Variants in NCAM1 observed in about 807,000 individuals in gnomAD.
NCAM1 encodes antigen recognized by monoclonal antibody 5.1H11.
Under a neutral mutation model 109.8 loss-of-function variants are expected in NCAM1, and 14 were observed. The ratio of observed to expected loss-of-function variants is 0.13; its 90% CI spans 0.08 to 0.20. NCAM1 has a LOEUF of 0.20. NCAM1 is among the 10% of genes least tolerant of loss of function. The pLI is 1.00. For missense variants in NCAM1, 774 were observed against 1,109.9 expected (o/e 0.70, Z 4.30); for synonymous variants, 418 against 442.9 (o/e 0.94, Z 0.70).
intron 1 of NCAM1, among the ~76,000 whole-genome samples, chr11:113,116,968 G>A (rs1210448372): frequency 6.6e-6 from 1 of 151,792 alleles, no homozygotes; most frequent in East Asian, 1.9e-4. Flanking sequence ...GAGCTCAAGT[G>A]GGCACTCCCA....
At position 113,232,844 on chromosome 11, in the gene NCAM1, C is replaced by T. The variant is rs183233093; in HGVS notation, c.1522+30C>T. ...GTGTCCCTTACTCACCTGAGAGCAG[C>T]TGCCACAACCCCCCACCTAACCCTG... On this transcript the variant is annotated intron_variant, in intron 12 of 19. Coordinates refer to ENST00000316851, the MANE Select transcript of NCAM1 (RefSeq NM_181351.5). The T allele has an allele frequency of 1.2e-5, 19 of 1,562,728 alleles. No individual in the cohort carries two copies. In the Admixed American group the frequency reaches 2.7e-4, roughly 22 times the overall value.
At position 113,278,148 on chromosome 11, in the gene NCAM1, G is replaced by T. The variant is rs973328474; in HGVS notation, c.*2761G>T. The T allele has an allele frequency of 6.6e-6, 1 of 152,166 alleles. No homozygotes were observed. Among genetic ancestry groups the T allele is most frequent in the African/African-American group, 2.4e-5 (1 of 41,434 alleles). The allele number at this position is 152,166 out of a possible 1,614,324, so 9.4% of individuals were successfully genotyped here. On this transcript the variant is annotated 3_prime_UTR_variant, in exon 20 of 20. Coordinates refer to ENST00000316851, the MANE Select transcript of NCAM1 (RefSeq NM_181351.5). Reference sequence around the variant, plus strand: ...GCTGTGGTGTATATAGTGCAGCTTTGGAGGTGGAACTCTATTTTCACACTT... The same window carrying T: ...GCTGTGGTGTATATAGTGCAGCTTTTGAGGTGGAACTCTATTTTCACACTT...
intron 1 of NCAM1, among the ~76,000 whole-genome samples, chr11:113,028,860 T>C (rs1952635274): frequency 6.6e-6 from 1 of 152,208 alleles, no homozygotes; most frequent in Non-Finnish European, 1.5e-5. Flanking sequence ...GCAGCATGTC[T>C]AGTTTTTTTA....
In NCAM1 at chr11:113,232,285, C is replaced by T; in HGVS notation, c.1356C>T (p.Gly452=). 1 of 1,613,826 alleles carries T rather than the reference C, an allele frequency of 6.2e-7. No homozygotes were observed. The highest frequency in any genetic ancestry group is 1.1e-5 in the South Asian group (1 of 91,064). The change falls in exon 11 of 20, where the codon GGC becomes GGT. Residue 452 remains glycine (G), a synonymous_variant. Coordinates refer to ENST00000316851, the MANE Select transcript of NCAM1 (RefSeq NM_181351.5). ...PSATISWFRD[G]QLLPSSNYSN... Reference sequence around the variant, plus strand: ...CCACGATCTCATGGTTTCGGGATGGCCAGCTGCTGCCAAGCTCCAATTACA... The same window carrying T: ...CCACGATCTCATGGTTTCGGGATGGTCAGCTGCTGCCAAGCTCCAATTACA...
intron 1 of NCAM1, among the ~76,000 whole-genome samples, chr11:113,059,771 C>T (rs1297181280): frequency 6.6e-6 from 1 of 152,212 alleles, no homozygotes; most frequent in Non-Finnish European, 1.5e-5. Context: ...GAGATTGGGA[C>T]ATTGTGGCCA....
chr11:113,104,218 G>GGGGGGGGGGGGTGGGGGGGGA (rs1940039134), intron 1 of NCAM1, among the ~76,000 whole-genome samples: 1 of 114,960 alleles, frequency 8.7e-6, no homozygotes. Flanking sequence ...GGGGGGGGGG[G>GGGGGGGGGGGGTGGGGGGGGA]CGGGGTGGTG....
chr11:113,257,177 C>G (rs1555122497), intron 16 of NCAM1, among the ~76,000 whole-genome samples: 1 of 152,198 alleles, frequency 6.6e-6, no homozygotes, highest in East Asian at 1.9e-4. Flanking sequence ...TCCTCACTGC[C>G]AAGTAGGGTG....
At chr11:113,226,592 T>TA (rs1944853349) in intron 9 of NCAM1, among the ~76,000 whole-genome samples, 1 of 152,220 alleles carries the variant, frequency 6.6e-6, no homozygotes, top group South Asian at 2.1e-4. Flanking sequence ...AATAGACATC[T>TA]ACAGAACTCT....
chr11:113,005,442 T>C (rs1466326076), intron 1 of NCAM1, among the ~76,000 whole-genome samples: 1 of 152,174 alleles, frequency 6.6e-6, no homozygotes, highest in East Asian at 1.9e-4. Context: ...GATCTTCCAG[T>C]CTTCTGCCTG....
chr11:113,181,668 G>A (rs1274754330), intron 1 of NCAM1, among the ~76,000 whole-genome samples: 1 of 151,742 alleles, frequency 6.6e-6, no homozygotes, highest in Non-Finnish European at 1.5e-5. Context: ...GTGTACCCTG[G>A]AACTTAAAAT....
At chr11:113,118,054 G>T (rs1371370075) in intron 1 of NCAM1, among the ~76,000 whole-genome samples, 2 of 151,886 alleles carry the variant, frequency 1.3e-5, no homozygotes, top group Non-Finnish European at 1.5e-5. Context: ...GAGGTTTAGG[G>T]ATCAGGAGGT....
intron 17 of NCAM1, chr11:113,264,810 C>G (rs1946100659): frequency 1.0e-6 from 1 of 985,344 alleles, no homozygotes; most frequent in African/African-American, 1.7e-5. Context: ...TCAAGGGTCC[C>G]ATTTAGACAG....
chr11:113,232,370 G>C lies in NCAM1; in HGVS notation c.1425+16G>C, dbSNP rs1555117443. 6.3e-7 allele frequency: 1 copy of C among 1,596,024 alleles called. No individual in the cohort carries two copies. The highest frequency in any genetic ancestry group is 8.5e-7 in the Non-Finnish European group (1 of 1,171,070). ...CTATCTGGAGGTGAGTCAGGATGGG[G>C]GTGGGACAGAGCAGAGAAAGCACAG... On this transcript the variant is annotated intron_variant, in intron 11 of 19. Transcript: ENST00000316851.
chr11:113,035,891 G>A lies in NCAM1; in HGVS notation c.52+74227G>A, dbSNP rs200449488. On this transcript the variant is annotated intron_variant, in intron 1 of 19. Coordinates refer to ENST00000316851, the MANE Select transcript of NCAM1 (RefSeq NM_181351.5). The stretch of plus-strand genomic sequence containing the variant: ...GCCTCCTGGAATATGCCTTTGGCTG[G>A]GAGGTCCTGAATAAAACATTTAGCA... Among the ~76,000 whole-genome samples the A allele has an allele frequency of 6.6e-5, 10 of 152,210 alleles. No individual in the cohort carries two copies. The East Asian group carries it at 1.9e-3, about 29-fold the overall frequency.
chr11:113,152,671 C>G (rs919638188), intron 1 of NCAM1, among the ~76,000 whole-genome samples: 2 of 152,114 alleles, frequency 1.3e-5, no homozygotes, highest in African/African-American at 4.8e-5. Context: ...ATTTAATCAA[C>G]AAAACTATAT....
In NCAM1 at chr11:113,126,181, A is replaced by C. The variant is rs1160558914; in HGVS notation, c.53-76198A>C. Among the ~76,000 whole-genome samples the C allele has an allele frequency of 4.0e-5, 6 of 151,672 alleles. No homozygotes were observed. In the Admixed American group the frequency reaches 4.0e-4, roughly 10 times the overall value. On this transcript the variant is annotated intron_variant, in intron 1 of 19. Transcript: ENST00000316851. ...AAAAAAAAAAAAAAATAGTAAGAAT[A>C]AAACCCTCCCCTACCCTTAACAACA...
chr11:113,081,520 G>T (rs1281767294), intron 1 of NCAM1, among the ~76,000 whole-genome samples: 1 of 151,876 alleles, frequency 6.6e-6, no homozygotes, highest in African/African-American at 2.4e-5. Context: ...TGCCACAAGC[G>T]ACCAAATACT....
At chr11:113,012,895 A>C (rs1952107166) in intron 1 of NCAM1, among the ~76,000 whole-genome samples, 1 of 152,206 alleles carries the variant, frequency 6.6e-6, no homozygotes, top group Non-Finnish European at 1.5e-5. Context: ...AGACTCTCCT[A>C]GTTTTTAGGA....
chr11:113,233,270 C>T lies in NCAM1; in HGVS notation c.1646C>T (p.Ala549Val). 2 of 1,613,742 alleles carry T rather than the reference C, an allele frequency of 1.2e-6. No individual in the cohort carries two copies. The highest frequency in any genetic ancestry group is 1.7e-6 in the Non-Finnish European group (2 of 1,179,822). Residue 549 changes from alanine to valine, a missense_variant, in exon 13 of 20, where the codon GCA becomes GTA. Around this residue, in one of 4 missense-constraint regions of NCAM1, gnomAD observed 523 missense variants for 784.2 expected, o/e 0.67. Coordinates refer to ENST00000316851, the MANE Select transcript of NCAM1 (RefSeq NM_181351.5). This position sits in a 1 kb window ranked among gnomAD's most constrained non-coding sequence, Gnocchi z 4.5. ...PILKYKAEWR[A>V]VGEEVWHSKW... ...CTCAAATACAAAGCTGAGTGGAGAGCAGTTGGTGAAGAAGTATGGCATTCC... is the reference window on the plus strand; with the variant it reads ...CTCAAATACAAAGCTGAGTGGAGAGTAGTTGGTGAAGAAGTATGGCATTCC...
Sources: allele counts gnomAD v4.1 joint callset (sites outside exome capture counted in the v4.1 genomes callset), GRCh38; gene constraint gnomAD v4.1.1; regional missense constraint gnomAD v4.1.1; non-coding constraint Gnocchi (gnomAD v3.1); transcripts MANE v1.5; gene names NCBI Gene and HGNC (gene_info 2026-07-23, HGNC 2026-07-21).